SLC4A4: variants seen among roughly 807,000 people sequenced by gnomAD.
SLC4A4 encodes solute carrier family 4 member 4.
Under a neutral mutation model 111.5 loss-of-function variants are expected in SLC4A4, and 27 were observed. The ratio of observed to expected loss-of-function variants is 0.24; its 90% CI spans 0.18 to 0.33. The LOEUF is 0.33. Ranked by LOEUF, SLC4A4 falls within the 10% of genes least tolerant of loss-of-function variation. The pLI, the probability that SLC4A4 is intolerant of heterozygous loss-of-function variation, is 1.00. For synonymous variants in SLC4A4, 443 were observed against 463.4 expected, an observed-to-expected ratio of 0.96 and a Z score of 0.57; for missense variants, 909 against 1,315.5, an observed-to-expected ratio of 0.69 and a Z score of 4.78.
intron 2 of SLC4A4, among the ~76,000 whole-genome samples, chr4:71,100,069 T>C (rs931749311): frequency 6.6e-6 from 1 of 152,122 alleles, no homozygotes; most frequent in Non-Finnish European, 1.5e-5. Flanking sequence ...TTCCAAAAAA[T>C]TGAGGAGGAT....
chr4:71,074,560 GC>G (rs1431466698), intron 1 of SLC4A4, among the ~76,000 whole-genome samples: 1 of 151,370 alleles, frequency 6.6e-6, no homozygotes, highest in Admixed American at 6.6e-5. Context: ...CTAGGACGTA[GC>G]CATGATTATT....
At chr4:71,323,780 C>T (rs1473614496) in intron 3 of SLC4A4, among the ~76,000 whole-genome samples, 1 of 151,884 alleles carries the variant, frequency 6.6e-6, no homozygotes, top group African/African-American at 2.4e-5. Context: ...TCTTTGTCTC[C>T]TGGTTTTGTT....
intron 6 of SLC4A4, among the ~76,000 whole-genome samples, chr4:71,395,551 A>T (rs560806630): frequency 6.6e-6 from 1 of 152,286 alleles, no homozygotes; most frequent in Non-Finnish European, 1.5e-5. Flanking sequence ...GCGAAGAATG[A>T]TGAGACGGTA....
At chr4:71,521,264 T>C (rs1732904970) in intron 16 of SLC4A4, among the ~76,000 whole-genome samples, 1 of 152,156 alleles carries the variant, frequency 6.6e-6, no homozygotes, top group Non-Finnish European at 1.5e-5. Context: ...TGAGGTCTTA[T>C]TCAGTAACCC....
chr4:71,236,477 C>A, intron 1 of SLC4A4, 99 bp from the exon 2 acceptor site: 1 of 1,080,510 alleles, frequency 9.3e-7, no homozygotes, highest in South Asian at 1.3e-5. Context: ...CTAACATGAA[C>A]AACAGCTTGC....
intron 1 of SLC4A4, among the ~76,000 whole-genome samples, chr4:71,224,994 C>A (rs372754865): frequency 1.3e-5 from 2 of 152,288 alleles, no homozygotes; most frequent in East Asian, 3.9e-4. Flanking sequence ...ATTAAATAAT[C>A]ATCACGAAGT....
rs1248619302 is a variant in SLC4A4 at position 71,567,084 on chromosome 4, G to A, written c.*36+1G>A. 1.9e-6 allele frequency: 3 copies of A among 1,605,010 alleles called. No homozygotes were observed. The highest frequency in any genetic ancestry group is 2.6e-6 in the Non-Finnish European group (3 of 1,173,938). Reference sequence around the variant, plus strand: ...TCCTTCAGTCACTCGGTATGCCAAGGTAAAGGAGAGCCCAGTATTTTATGT... The same window carrying A: ...TCCTTCAGTCACTCGGTATGCCAAGATAAAGGAGAGCCCAGTATTTTATGT... On this transcript the variant is annotated splice_donor_variant, in intron 25 of 25. Transcript: ENST00000264485. LOFTEE classifies it low-confidence loss of function (3UTR_SPLICE).
intron 2 of SLC4A4, among the ~76,000 whole-genome samples, chr4:71,128,811 A>T (rs765830156): frequency 1.8e-4 from 27 of 152,164 alleles, no homozygotes; most frequent in Non-Finnish European, 3.1e-4. Context: ...AATTTGACCC[A>T]AAGTTCTCCA....
chr4:71,539,319 G>T (rs2149222448), intron 18 of SLC4A4, among the ~76,000 whole-genome samples: 1 of 151,946 alleles, frequency 6.6e-6, no homozygotes, highest in East Asian at 1.9e-4. Context: ...TGTCAGTCCT[G>T]TGTTTTTAAA....
intron 7 of SLC4A4, among the ~76,000 whole-genome samples, chr4:71,410,710 A>G (rs1473147813): frequency 6.6e-6 from 1 of 152,138 alleles, no homozygotes; most frequent in African/African-American, 2.4e-5. Flanking sequence ...TTCAAGAGAG[A>G]GGCAGTTGTA....
At chr4:71,466,378 A>G in intron 12 of SLC4A4, 66 bp from the exon 13 acceptor site, 1 of 1,578,554 alleles carries the variant, frequency 6.3e-7, no homozygotes, top group South Asian at 1.1e-5. Flanking sequence ...TTATTTGCCT[A>G]GTGACATCAC....
At chr4:71,272,709 G>T (rs751533862) in intron 3 of SLC4A4, among the ~76,000 whole-genome samples, 6 of 152,102 alleles carry the variant, frequency 3.9e-5, no homozygotes, top group Admixed American at 1.3e-4. Flanking sequence ...ACGCATGAAG[G>T]ATATGACTTT....
rs867150867 is a variant in SLC4A4, at chr4:71,294,765, C to T, written c.253+39366C>T. On this transcript the variant is annotated intron_variant, in intron 3 of 25. Coordinates refer to ENST00000264485, the MANE Select transcript of SLC4A4 (RefSeq NM_001098484.3). Reference sequence around the variant, plus strand: ...TGGGTCCTCTTTTAATGTAAACTTTCGGACTTGCTGCTTCAAAAGTAGTTG... The same window carrying T: ...TGGGTCCTCTTTTAATGTAAACTTTTGGACTTGCTGCTTCAAAAGTAGTTG... Among the ~76,000 whole-genome samples the T allele has an allele frequency of 2.2e-4, 34 of 152,304 alleles. No individual in the cohort carries two copies. In the Middle Eastern group the frequency reaches 0.024, roughly 107 times the overall value.
At chr4:71,177,251 T>C (rs1262418777) in intron 2 of SLC4A4, among the ~76,000 whole-genome samples, 1 of 152,180 alleles carries the variant, frequency 6.6e-6, no homozygotes, top group Middle Eastern at 3.2e-3. Context: ...CCATTGAGGC[T>C]AGGAAGAAAC....
upstream of SLC4A4, among the ~76,000 whole-genome samples, chr4:71,184,890 G>C (rs1382214543): frequency 8.5e-5 from 13 of 152,296 alleles, 1 homozygote; most frequent in Admixed American, 7.8e-4. Context: ...TTAATTGTGG[G>C]ATAGCAAACA....
chr4:71,522,053 A>G (rs1204869498), intron 16 of SLC4A4, among the ~76,000 whole-genome samples: 3 of 152,150 alleles, frequency 2.0e-5, no homozygotes, highest in Non-Finnish European at 4.4e-5. Flanking sequence ...TCTATCAGGT[A>G]TTTAATTTGT....
chr4:71,089,340 G>A (rs181207559), intron 1 of SLC4A4, among the ~76,000 whole-genome samples: 137 of 151,946 alleles, frequency 9.0e-4, no homozygotes, highest in Non-Finnish European at 1.6e-3. Flanking sequence ...CCATGGGTTC[G>A]AACTTCCTCC....
At chr4:71,177,528 C>T (rs961076495) in intron 2 of SLC4A4, among the ~76,000 whole-genome samples, 1 of 152,054 alleles carries the variant, frequency 6.6e-6, no homozygotes, top group African/African-American at 2.4e-5. Context: ...GGGTTGCAAT[C>T]CTAGTCTCTG....
At chr4:71,267,354 T>C (rs1380427485) in intron 3 of SLC4A4, among the ~76,000 whole-genome samples, 1 of 151,770 alleles carries the variant, frequency 6.6e-6, no homozygotes, top group Non-Finnish European at 1.5e-5. Flanking sequence ...AAAAAAAAAT[T>C]TTGGTGAAGG....
Sources: gnomAD v4.1 joint callset for allele counts (sites outside exome capture counted in the v4.1 genomes callset) on GRCh38, gnomAD v4.1.1 for gene constraint, MANE v1.5 for transcripts, NCBI Gene and HGNC (gene_info 2026-07-23, HGNC 2026-07-21) for gene names.